Variants in THBS2 observed in about 807,000 individuals in gnomAD.
THBS2 encodes the protein thrombospondin-2.
In THBS2, 47 loss-of-function variants were observed where a neutral mutation model predicts 135.2. That is an observed-to-expected ratio of 0.35 (90% confidence interval 0.28 to 0.44). The LOEUF is 0.44. Ranked by LOEUF, THBS2 falls within the 20% of genes least tolerant of loss-of-function variation. The pLI is 1.00. For synonymous variants in THBS2, 639 were observed against 633.8 expected, an observed-to-expected ratio of 1.01 and a Z score of -0.12; for missense variants, 1,288 against 1,603.1, an observed-to-expected ratio of 0.80 and a Z score of 3.36.
chr6:169,231,590 T>C (rs757103414), intron 13 of THBS2, among the ~76,000 whole-genome samples: 1 of 152,204 alleles, frequency 6.6e-6, no homozygotes, highest in Non-Finnish European at 1.5e-5. Context: ...AAGAAAACCA[T>C]GTCCTAACTC....
rs753888795 is a variant in THBS2 at position 169,232,654 on chromosome 6, C to A, written c.1932+10G>T. On this transcript the variant is annotated intron_variant, in intron 12 of 21. Coordinates refer to ENST00000617924, the MANE Select transcript of THBS2 (RefSeq NM_003247.5). ...GCTCGCAACACACAAGGAAGGCCGGCCTTGCGTACTTGCTTTTCCGTCTTG... is the reference window on the plus strand; with the variant it reads ...GCTCGCAACACACAAGGAAGGCCGGACTTGCGTACTTGCTTTTCCGTCTTG... 22 of 1,591,980 alleles carry A rather than the reference C, an allele frequency of 1.4e-5. No homozygotes were observed. The highest frequency in any genetic ancestry group is 1.9e-5 in the Non-Finnish European group (22 of 1,169,780).
chr6:169,248,363 T>C, intron 3 of THBS2, 54 bp downstream of exon 3: 1 of 1,544,114 alleles, frequency 6.5e-7, no homozygotes, highest in Non-Finnish European at 8.8e-7. Context: ...AGCAGATCAG[T>C]TCCCAGCTAA....
At chr6:169,245,581 A>G (rs1041851311) in intron 4 of THBS2, among the ~76,000 whole-genome samples, 5 of 152,132 alleles carry the variant, frequency 3.3e-5, no homozygotes, top group Non-Finnish European at 5.9e-5. Flanking sequence ...TCACGAGGTC[A>G]GGAGATCGAG....
chr6:169,237,547 C>T, intron 8 of THBS2, 78 bp downstream of exon 8: 1 of 1,594,780 alleles, frequency 6.3e-7, no homozygotes, highest in East Asian at 2.2e-5. Flanking sequence ...AGCTCTGTCC[C>T]TTGCAAAGGT....
intron 9 of THBS2, among the ~76,000 whole-genome samples, chr6:169,236,358 C>CT (rs1780070574): frequency 1.7e-5 from 2 of 115,946 alleles, no homozygotes; most frequent in African/African-American, 3.2e-5. Context: ...ATCCACACTC[C>CT]CCATCCACAC....
chr6:169,216,013 G>A lies in THBS2; in HGVS notation c.*1809C>T, dbSNP rs992419214. The stretch of plus-strand genomic sequence containing the variant: ...GTACATTCTAAATACTCACATCATC[G>A]TCACTCCCACACCATTGTACGGTTG... On this transcript the variant is annotated 3_prime_UTR_variant, in exon 22 of 22. Transcript: ENST00000617924. The A allele has an allele frequency of 6.6e-6, 1 of 152,084 alleles. No individual in the cohort carries two copies. The highest frequency in any genetic ancestry group is 1.5e-5 in the Non-Finnish European group (1 of 68,014). The allele number at this position is 152,084 out of a possible 1,614,324, so 9.4% of individuals were successfully genotyped here. A position where few individuals can be genotyped will look rare whatever the true frequency, so the allele number is the denominator to read the frequency against.
chr6:169,228,084 A>T, intron 15 of THBS2, 38 bp downstream of exon 15: 1 of 1,562,944 alleles, frequency 6.4e-7, no homozygotes, highest in South Asian at 1.2e-5. Flanking sequence ...CAAAAAAAAA[A>T]AAAAAGTGCA....
intron 14 of THBS2, among the ~76,000 whole-genome samples, chr6:169,229,267 G>A (rs1235325400): frequency 2.0e-5 from 3 of 152,230 alleles, no homozygotes; most frequent in Non-Finnish European, 4.4e-5. Flanking sequence ...TCATGGTGGT[G>A]TCAGCCTTGC....
chr6:169,225,451 G>A (rs746138130), intron 16 of THBS2, 72 bp from the exon 17 acceptor site: 42 of 1,435,922 alleles, frequency 2.9e-5, no homozygotes, highest in African/African-American at 7.1e-5. Context: ...CCAGCAGGAC[G>A]CAAGCCTGAG....
At chr6:169,217,887 A>G in intron 21 of THBS2, 58 bp from the exon 22 acceptor site, 1 of 1,540,242 alleles carries the variant, frequency 6.5e-7, no homozygotes, top group Non-Finnish European at 8.8e-7. Context: ...ATGGGTAGTG[A>G]TTTATTTTGT....
intron 17 of THBS2, among the ~76,000 whole-genome samples, chr6:169,224,675 G>A (rs74507247): frequency 0.095 from 14,417 of 152,138 alleles, 759 homozygotes; most frequent in South Asian, 0.12. Context: ...TTGGGCCCCC[G>A]TGGCTATGGG....
In THBS2 at chr6:169,221,635, A is replaced by G. The variant is rs1389544496; in HGVS notation, c.3274-108T>C. On this transcript the variant is annotated intron_variant, in intron 19 of 21. Coordinates refer to ENST00000617924, the MANE Select transcript of THBS2 (RefSeq NM_003247.5). ...AACATGACTTTGCAAGTTCATGCTT[A>G]AGGCTCATGGTGCTCCATATCTCTC... 3.3e-6 allele frequency: 3 copies of G among 903,708 alleles called. No homozygotes were observed. In the Admixed American group the frequency reaches 5.6e-5, roughly 17 times the overall value. 56.0% of individuals were successfully genotyped at this position (903,708 alleles called of 1,614,324 possible). A position where few individuals can be genotyped will look rare whatever the true frequency, so the allele number is the denominator to read the frequency against.
At chr6:169,228,367 G>A in intron 14 of THBS2, 86 bp from the exon 15 acceptor site, 1 of 1,475,446 alleles carries the variant, frequency 6.8e-7, no homozygotes, top group African/African-American at 1.4e-5. Flanking sequence ...ATGTACTCAA[G>A]GTTGATGAAA....
chr6:169,234,905 C>T lies in THBS2; in HGVS notation c.1480G>A (p.Asp494Asn), dbSNP rs773920549. 18 of 1,592,800 alleles carry T rather than the reference C, an allele frequency of 1.1e-5. No homozygotes were observed. The highest frequency in any genetic ancestry group is 7.0e-5 in the Admixed American group (4 of 57,410). The change falls in exon 10 of 22, where the codon GAT (aspartate) becomes AAT (asparagine). Residue 494 changes from aspartate to asparagine, a missense_variant and splice_region_variant. Asp to Asn is a conservative substitution (Grantham distance 23). Around this residue, in one of 2 missense-constraint regions of THBS2, gnomAD observed 874 missense variants for 1,156.1 expected, o/e 0.76. Coordinates refer to ENST00000617924, the MANE Select transcript of THBS2 (RefSeq NM_003247.5). Reference sequence around the variant, plus strand: ...GGGGACCAGGGGCTCCAGCGGCCATCGACTGCGGGGAAAGCCAACCAGGGG... The same window carrying T: ...GGGGACCAGGGGCTCCAGCGGCCATTGACTGCGGGGAAAGCCAACCAGGGG... Reference protein sequence around the residue: ...KACQGAPCPIDGRWSPWSPWS... With the variant: ...KACQGAPCPINGRWSPWSPWS...
intron 17 of THBS2, 87 bp from the exon 18 acceptor site, chr6:169,223,562 T>G (rs944590377): frequency 8.5e-6 from 9 of 1,052,834 alleles, no homozygotes; most frequent in South Asian, 7.1e-5. Flanking sequence ...TTTCCGTGTC[T>G]GAGAAACATG....
At chr6:169,249,235 G>A (rs916089504) in intron 2 of THBS2, among the ~76,000 whole-genome samples, 7 of 152,342 alleles carry the variant, frequency 4.6e-5, no homozygotes, top group East Asian at 1.9e-4. Context: ...CTGGCTGGTC[G>A]AGGAGCGTGT....
At chr6:169,237,510 T>A in intron 8 of THBS2, 115 bp downstream of exon 8, 1 of 1,537,642 alleles carries the variant, frequency 6.5e-7, no homozygotes, top group Non-Finnish European at 8.8e-7. Context: ...CTAGAATCCT[T>A]GCAAAGGCCC....
At position 169,241,902 on chromosome 6, in the gene THBS2, T is replaced by C; in HGVS notation, c.751A>G (p.Thr251Ala). 1 of 1,612,030 alleles carries C rather than the reference T, an allele frequency of 6.2e-7. No homozygotes were observed. The highest frequency in any genetic ancestry group is 8.5e-7 in the Non-Finnish European group (1 of 1,179,924). ...TETLRLGPHV[T>A]TEYVGPSSER... ...GAGCTGGGGCCCACGTACTCGGTGG[T>C]GACATGCGGACCCAGGCGCAGCGTC... Residue 251 changes from threonine (T) to alanine (A), a missense_variant, in exon 5 of 22, where the codon ACC becomes GCC. Around this residue, in one of 2 missense-constraint regions of THBS2, gnomAD observed 414 missense variants for 447.0 expected, o/e 0.93. Transcript: ENST00000617924. The surrounding 1 kb of genome is among the most constrained non-coding windows in gnomAD (Gnocchi z 5.5).
At chr6:169,218,556 GTGGATGGGGC>G in intron 21 of THBS2, among the ~76,000 whole-genome samples, 1 of 142,032 alleles carries the variant, frequency 7.0e-6, no homozygotes, top group African/African-American at 2.6e-5. Context: ...AGATGGATAG[GTGGATGGGGC>G]TGGGTGGATG....
Sources: gnomAD v4.1 joint callset for allele counts (sites outside exome capture counted in the v4.1 genomes callset) on GRCh38, gnomAD v4.1.1 for gene constraint, gnomAD v4.1.1 regional missense constraint, Gnocchi (gnomAD v3.1) non-coding constraint, MANE v1.5 for transcripts, NCBI Gene and HGNC (gene_info 2026-07-23, HGNC 2026-07-21) for gene names.